NCS1: variants seen among roughly 807,000 people sequenced by gnomAD.
NCS1 encodes frequenin homolog.
A neutral mutation model predicts 28.4 loss-of-function variants in NCS1; 6 were observed. The observed-to-expected ratio is 0.21, with a 90% CI of 0.12 to 0.42. The LOEUF is 0.42. Among genes scored for constraint, NCS1 ranks in the 10% least tolerant of loss-of-function variants. NCS1 has a pLI of 1.00. For synonymous variants in NCS1, 86 were observed against 99.3 expected (o/e 0.87, Z 0.79); for missense variants, 131 against 241.4 (o/e 0.54, Z 3.03).
chr9:130,190,826 G>T (rs535849153), intron 1 of NCS1, among the ~76,000 whole-genome samples: 2 of 152,166 alleles, frequency 1.3e-5, no homozygotes, highest in African/African-American at 4.8e-5. Flanking sequence ...CTGTGAAACC[G>T]CAGTTTCTTG....
chr9:130,222,994 A>G, intron 5 of NCS1, 88 bp from the exon 6 acceptor site: 1 of 1,167,792 alleles, frequency 8.6e-7, no homozygotes, highest in Non-Finnish European at 1.3e-6. Flanking sequence ...CCTCATCTGG[A>G]AACTGCCAGG....
At chr9:130,199,046 T>C (rs570208154) in intron 1 of NCS1, among the ~76,000 whole-genome samples, 38 of 152,104 alleles carry the variant, frequency 2.5e-4, no homozygotes, top group Non-Finnish European at 1.0e-4. Flanking sequence ...CCAGGCCCGG[T>C]GTTTCTGGGT....
Position 130,219,728 on chromosome 9 carries a change from G to A in NCS1, c.232G>A (p.Gly78Arg). ...AATCCCCTCTCTCTCCTGTCAGGAC[G>A]GGCGAATTGAGTTCTCCGAGTTCAT... ...VFNVFDENKD[G>R]RIEFSEFIQA... The change falls in exon 4 of 8, where the codon GGG becomes AGG. Residue 78 changes from glycine to arginine, a missense_variant. This residue lies in a region of NCS1 where 100 missense variants were observed against 210.3 expected (regional missense o/e 0.48). Coordinates refer to ENST00000372398, the MANE Select transcript of NCS1 (RefSeq NM_014286.4). This position sits in a 1 kb window ranked among gnomAD's most constrained non-coding sequence, Gnocchi z 5.7. 1 of 1,614,166 alleles carries A rather than the reference G, an allele frequency of 6.2e-7. No individual in the cohort carries two copies. Among genetic ancestry groups the A allele is most frequent in the South Asian group, 1.1e-5 (1 of 91,084 alleles).
intron 1 of NCS1, among the ~76,000 whole-genome samples, chr9:130,174,899 C>A (rs1554904459): frequency 6.6e-6 from 1 of 151,854 alleles, no homozygotes; most frequent in African/African-American, 2.4e-5. Context: ...CCTGTCCGGC[C>A]CCCTCCTCCG....
chr9:130,222,373 G>A (rs1554910687), intron 4 of NCS1, among the ~76,000 whole-genome samples: 3 of 151,724 alleles, frequency 2.0e-5, no homozygotes, highest in African/African-American at 4.8e-5. Flanking sequence ...GGCTGGTCTC[G>A]AACTCCTGGG....
chr9:130,181,230 C>T lies in NCS1; in HGVS notation c.64+8503C>T, dbSNP rs1832649403. Among the ~76,000 whole-genome samples the T allele has an allele frequency of 6.6e-6, 1 of 152,176 alleles. No homozygotes were observed. The highest frequency in any genetic ancestry group is 1.5e-5 in the Non-Finnish European group (1 of 68,038). On this transcript the variant is annotated intron_variant, in intron 1 of 7. Coordinates refer to ENST00000372398, the MANE Select transcript of NCS1 (RefSeq NM_014286.4). This position sits in a 1 kb window ranked among gnomAD's most constrained non-coding sequence, Gnocchi z 5.0. ...CTCAGCCTCAGGCATGGTTCTTAGCCTCTCGATACCTTAGTTTTCTTATCT... is the reference window on the plus strand; with the variant it reads ...CTCAGCCTCAGGCATGGTTCTTAGCTTCTCGATACCTTAGTTTTCTTATCT...
chr9:130,185,303 T>C (rs3901424), intron 1 of NCS1, among the ~76,000 whole-genome samples: 144,451 of 152,358 alleles, frequency 0.95, 68,636 homozygotes, highest in East Asian at 1. Flanking sequence ...ACAGAGCCTG[T>C]GCATATTGTT....
intron 7 of NCS1, among the ~76,000 whole-genome samples, chr9:130,230,187 C>CA (rs1833480077): frequency 6.6e-6 from 1 of 152,066 alleles, no homozygotes; most frequent in South Asian, 2.1e-4. Context: ...CCCGTCTCTA[C>CA]AAAAAATACA....
At chr9:130,207,966 G>T (rs1833050296) in intron 2 of NCS1, among the ~76,000 whole-genome samples, 1 of 152,122 alleles carries the variant, frequency 6.6e-6, no homozygotes, top group African/African-American at 2.4e-5. Context: ...TTTTATCTTA[G>T]TTCCTGCTCA....
intron 1 of NCS1, among the ~76,000 whole-genome samples, chr9:130,195,504 A>G (rs1588113789): frequency 1.3e-5 from 2 of 150,822 alleles, no homozygotes; most frequent in African/African-American, 4.9e-5. Flanking sequence ...GCTCACTACA[A>G]CCTCTGCCTC....
intron 2 of NCS1, among the ~76,000 whole-genome samples, chr9:130,208,837 G>A (rs782069077): frequency 1.3e-4 from 20 of 152,226 alleles, no homozygotes; most frequent in Non-Finnish European, 2.8e-4. Flanking sequence ...AGAGACTGAG[G>A]CTCAGAAGGG....
intron 2 of NCS1, among the ~76,000 whole-genome samples, chr9:130,203,810 G>C (rs548073210): frequency 1.6e-3 from 248 of 152,128 alleles, no homozygotes; most frequent in Middle Eastern, 3.4e-3. Context: ...CAGAGGAGAC[G>C]ACCCCATCAT....
At chr9:130,172,859 CA>C in intron 1 of NCS1, 132 bp downstream of exon 1, 2 of 414,872 alleles carry the variant, frequency 4.8e-6, no homozygotes, top group Non-Finnish European at 7.9e-6. Flanking sequence ...GCCCGGCCTC[CA>C]ATGTGGACCC....
chr9:130,181,912 T>G lies in NCS1; in HGVS notation c.64+9185T>G. Among the ~76,000 whole-genome samples the G allele has an allele frequency of 6.7e-6, 1 of 149,870 alleles. No homozygotes were observed. Among genetic ancestry groups the G allele is most frequent in the African/African-American group, 2.5e-5 (1 of 40,682 alleles). On this transcript the variant is annotated intron_variant, in intron 1 of 7. Coordinates refer to ENST00000372398, the MANE Select transcript of NCS1 (RefSeq NM_014286.4). The surrounding 1 kb of genome is among the most constrained non-coding windows in gnomAD (Gnocchi z 5.0). Reference sequence around the variant, plus strand: ...AGGGCAGCTCTGTACAGGTTGTAAATGTAGGTGTGCCTGGGGGTGGGGGAC... The same window carrying G: ...AGGGCAGCTCTGTACAGGTTGTAAAGGTAGGTGTGCCTGGGGGTGGGGGAC...
At chr9:130,203,182 C>G (rs1178820410) in intron 2 of NCS1, among the ~76,000 whole-genome samples, 6 of 148,628 alleles carry the variant, frequency 4.0e-5, no homozygotes, top group Non-Finnish European at 7.4e-5. Context: ...CTCTGTTGCT[C>G]AGGCTGGAGT....
At chr9:130,189,882 ATATATATAT>A (rs1832794224) in intron 1 of NCS1, among the ~76,000 whole-genome samples, 1 of 43,682 alleles carries the variant, frequency 2.3e-5, no homozygotes, top group Admixed American at 3.1e-4. Context: ...AAAAAAAAAT[ATATATATAT>A]ATATATATAT....
At chr9:130,200,378 T>G in intron 1 of NCS1, 1 of 598,754 alleles carries the variant, frequency 1.7e-6, no homozygotes, top group Non-Finnish European at 3.0e-6. Flanking sequence ...GTAGCCTCTT[T>G]CAGCTTTTGC....
Position 130,192,988 on chromosome 9 carries a change from C to T in NCS1, c.65-7970C>T, listed in dbSNP as rs1424833596. Among the ~76,000 whole-genome samples the T allele has an allele frequency of 4.6e-5, 7 of 152,360 alleles. No individual in the cohort carries two copies. The South Asian group carries it at 6.2e-4, about 14-fold the overall frequency. On this transcript the variant is annotated intron_variant, in intron 1 of 7. Transcript: ENST00000372398. The surrounding 1 kb of genome is among the most constrained non-coding windows in gnomAD (Gnocchi z 4.8). ...GGGGAAAAAACCGGTCACACAGCAACGGAGTGGCAGATCCCTGGAGTCCAG... is the reference window on the plus strand; with the variant it reads ...GGGGAAAAAACCGGTCACACAGCAATGGAGTGGCAGATCCCTGGAGTCCAG...
intron 1 of NCS1, among the ~76,000 whole-genome samples, chr9:130,194,694 A>G (rs904242674): frequency 1.3e-5 from 2 of 152,242 alleles, no homozygotes; most frequent in South Asian, 2.1e-4. Flanking sequence ...CCCTGACAGG[A>G]TGGCACCCCA....
Sources: allele counts gnomAD v4.1 joint callset (sites outside exome capture counted in the v4.1 genomes callset), GRCh38; gene constraint gnomAD v4.1.1; regional missense constraint gnomAD v4.1.1; non-coding constraint Gnocchi (gnomAD v3.1); transcripts MANE v1.5; gene names NCBI Gene and HGNC (gene_info 2026-07-23, HGNC 2026-07-21).